SNX29: variants seen among roughly 807,000 people sequenced by gnomAD.
SNX29 encodes the protein sorting nexin 29.
A neutral mutation model predicts 102.1 loss-of-function variants in SNX29; 78 were observed. That is an observed-to-expected ratio of 0.76 (90% CI 0.64 to 0.92). The LOEUF (loss-of-function observed/expected upper bound fraction) is 0.92. Among genes scored for constraint, SNX29 ranks in the 40% least tolerant of loss-of-function variants. The pLI, the probability that SNX29 is intolerant of heterozygous loss-of-function variation, is 0.00. For synonymous variants in SNX29, 580 were observed against 414.5 expected (o/e 1.40, Z -4.85); for missense variants, 1,280 against 1,061.7 (o/e 1.21, Z -2.86).
chr16:12,244,498 G>T (rs1263852340), intron 14 of SNX29, among the ~76,000 whole-genome samples: 2 of 151,986 alleles, frequency 1.3e-5, no homozygotes, highest in Admixed American at 1.3e-4. Context: ...AATCCCAGCT[G>T]CTCTGGAGGC....
intron 16 of SNX29, among the ~76,000 whole-genome samples, chr16:12,366,059 A>G (rs2151355589): frequency 7.1e-6 from 1 of 140,536 alleles, no homozygotes; most frequent in African/African-American, 2.7e-5. Flanking sequence ...AAAAAAAAAA[A>G]AAAAAAAAAA....
chr16:12,000,523 A>C (rs1389990313), intron 2 of SNX29: 1 of 149,394 alleles, frequency 6.7e-6, no homozygotes, highest in Non-Finnish European at 1.5e-5. Context: ...TGTGTGTTAA[A>C]ATTTTTTTTT....
intron 14 of SNX29, among the ~76,000 whole-genome samples, chr16:12,203,140 C>G (rs924870212): frequency 2.7e-5 from 4 of 150,260 alleles, no homozygotes; most frequent in African/African-American, 9.9e-5. Context: ...GGTGACAGCT[C>G]TGAAGTTGTA....
At chr16:12,212,830 A>G (rs2142051538) in intron 14 of SNX29, among the ~76,000 whole-genome samples, 1 of 152,298 alleles carries the variant, frequency 6.6e-6, no homozygotes, top group Non-Finnish European at 1.5e-5. Context: ...TCAGTCATAA[A>G]GGGCTGGGCG....
At position 12,571,479 on chromosome 16, in the gene SNX29, C is replaced by G. The variant is rs952759977; in HGVS notation, c.*2850C>G. The G allele has an allele frequency of 7.1e-6, 2 of 283,016 alleles. No individual in the cohort carries two copies. Among genetic ancestry groups the G allele is most frequent in the African/African-American group, 2.2e-5 (1 of 46,138 alleles). 17.5% of individuals were successfully genotyped at this position (283,016 alleles called of 1,614,324 possible). On this transcript the variant is annotated 3_prime_UTR_variant, in exon 21 of 21. Coordinates refer to ENST00000566228, the MANE Select transcript of SNX29 (RefSeq NM_032167.5). Reference sequence around the variant, plus strand: ...GAGAACAGAAGCCCCCTCCCCTACTCAGAGAGGAACGAGGGTGGCCCACCT... The same window carrying G: ...GAGAACAGAAGCCCCCTCCCCTACTGAGAGAGGAACGAGGGTGGCCCACCT...
chr16:12,107,675 G>T (rs778011274), intron 11 of SNX29, among the ~76,000 whole-genome samples: 3 of 152,232 alleles, frequency 2.0e-5, no homozygotes, highest in Admixed American at 1.3e-4. Context: ...GGAGTTGCTG[G>T]TTATGTGGAT....
chr16:12,395,282 G>T (rs2083679174), intron 16 of SNX29, among the ~76,000 whole-genome samples: 1 of 152,142 alleles, frequency 6.6e-6, no homozygotes, highest in African/African-American at 2.4e-5. Flanking sequence ...TTCATGACTA[G>T]GGAGAAGAGA....
intron 13 of SNX29, among the ~76,000 whole-genome samples, chr16:12,139,735 C>T (rs2054799875): frequency 1.3e-5 from 2 of 151,986 alleles, no homozygotes; most frequent in African/African-American, 4.8e-5. Context: ...GCCTATAATC[C>T]CAGTCCTTTG....
At chr16:12,426,641 T>C (rs2151609910) in intron 18 of SNX29, among the ~76,000 whole-genome samples, 2 of 152,356 alleles carry the variant, frequency 1.3e-5, no homozygotes, top group South Asian at 2.1e-4. Context: ...AATTTTATGG[T>C]ATGTGAATTG....
intron 20 of SNX29, among the ~76,000 whole-genome samples, chr16:12,555,551 G>T (rs569317711): frequency 2.7e-5 from 4 of 150,570 alleles, no homozygotes; most frequent in African/African-American, 9.9e-5. Flanking sequence ...CATACCGTGG[G>T]TTTGAGCACC....
intron 15 of SNX29, among the ~76,000 whole-genome samples, chr16:12,311,621 C>G (rs1343492153): frequency 1.3e-5 from 2 of 152,250 alleles, no homozygotes; most frequent in East Asian, 3.9e-4. Context: ...GATGGCGTGG[C>G]TGGCCATGCC....
At chr16:12,542,301 C>T (rs186027973) in intron 20 of SNX29, among the ~76,000 whole-genome samples, 3 of 152,312 alleles carry the variant, frequency 2.0e-5, no homozygotes, top group Non-Finnish European at 2.9e-5. Flanking sequence ...CCCAAGATCA[C>T]AGCTAGTAAG....
chr16:12,551,204 A>G (rs933031597), intron 20 of SNX29, among the ~76,000 whole-genome samples: 1 of 151,192 alleles, frequency 6.6e-6, no homozygotes, highest in African/African-American at 2.5e-5. Flanking sequence ...GCCTTTAGGA[A>G]CACACTGCAC....
chr16:11,999,606 C>G (rs145567764), intron 2 of SNX29, among the ~76,000 whole-genome samples: 1 of 152,230 alleles, frequency 6.6e-6, no homozygotes, highest in African/African-American at 2.4e-5. Flanking sequence ...GATGTCCCTT[C>G]AAGAAAGGCA....
intron 19 of SNX29, among the ~76,000 whole-genome samples, chr16:12,496,256 C>G (rs565759002): frequency 4.6e-5 from 7 of 152,328 alleles, no homozygotes; most frequent in African/African-American, 1.7e-4. Context: ...CAGCTGGCAA[C>G]TCACAGGTCA....
At chr16:12,423,736 A>G (rs1231125399) in intron 18 of SNX29, among the ~76,000 whole-genome samples, 1 of 152,020 alleles carries the variant, frequency 6.6e-6, no homozygotes, top group Non-Finnish European at 1.5e-5. Flanking sequence ...AAGCCTGGCT[A>G]AGTTTTTGTA....
rs777564360 is a variant in SNX29, at chr16:12,403,198, G to GTGTA, written c.1956-246_1956-243dup. Among the ~76,000 whole-genome samples the GTGTA allele has an allele frequency of 9.4e-4, 77 of 81,948 alleles. 2 individuals are homozygous for GTGTA. The highest frequency in any genetic ancestry group is 4.4e-3 in the South Asian group (9 of 2,036). 53.8% of individuals were successfully genotyped at this position (81,948 alleles called of 152,430 possible). A position where few individuals can be genotyped will look rare whatever the true frequency, so the allele number is the denominator to read the frequency against. On this transcript the variant is annotated intron_variant, in intron 17 of 20. Transcript: ENST00000566228. Reference sequence around the variant, plus strand: ...TCACATTCCGGAGTACAGATTGTGTGTGTATGTGTGTGTGTGTGTGTGTGT... The same window carrying GTGTA: ...TCACATTCCGGAGTACAGATTGTGTGTGTATGTATGTGTGTGTGTGTGTGTGTGT...
intron 19 of SNX29, among the ~76,000 whole-genome samples, chr16:12,494,295 C>T (rs1018778718): frequency 3.9e-5 from 6 of 152,164 alleles, no homozygotes; most frequent in East Asian, 3.9e-4. Context: ...GCCTGGCCCC[C>T]GTTCCCTTTG....
intron 20 of SNX29, among the ~76,000 whole-genome samples, chr16:12,533,598 G>A (rs2076989499): frequency 6.6e-6 from 1 of 152,172 alleles, no homozygotes; most frequent in Non-Finnish European, 1.5e-5. Context: ...TTTGGAGGGA[G>A]GAGACACCCC....
Sources: allele counts gnomAD v4.1 joint callset (sites outside exome capture counted in the v4.1 genomes callset), GRCh38; gene constraint gnomAD v4.1.1; transcripts MANE v1.5; gene names NCBI Gene and HGNC (gene_info 2026-07-23, HGNC 2026-07-21).